PPARD: variants seen among roughly 807,000 people sequenced by gnomAD.
The protein encoded by PPARD is peroxisome proliferator activated receptor delta.
PPARD carries 6 observed loss-of-function variants against 39.5 expected under a neutral mutation model. The observed-to-expected ratio is 0.15, with a 90% confidence interval of 0.08 to 0.30. The LOEUF (loss-of-function observed/expected upper bound fraction) is 0.30, where lower values mean the gene tolerates loss of function less well. PPARD is among the 10% of genes least tolerant of loss of function. The pLI, the probability that PPARD is intolerant of heterozygous loss-of-function variation, is 1.00. For synonymous variants in PPARD, 210 were observed against 231.3 expected, an observed-to-expected ratio of 0.91 and a Z score of 0.83; for missense variants, 397 against 596.8, an observed-to-expected ratio of 0.67 and a Z score of 3.49.
At chr6:35,423,831 TC>T in intron 5 of PPARD, 114 bp from the exon 6 acceptor site, 1 of 942,438 alleles carries the variant, frequency 1.1e-6, no homozygotes, top group Non-Finnish European at 1.6e-6. Context: ...CTCTAGAGCT[TC>T]TGGGGGCCTT....
chr6:35,417,615 C>T (rs1415483320), intron 3 of PPARD, among the ~76,000 whole-genome samples: 1 of 151,898 alleles, frequency 6.6e-6, no homozygotes, highest in Non-Finnish European at 1.5e-5. Flanking sequence ...GCCTCCGCCC[C>T]CCTGCCCCCG....
intron 2 of PPARD, among the ~76,000 whole-genome samples, chr6:35,390,909 T>TTTC (rs1490088545): frequency 6.6e-6 from 1 of 152,024 alleles, no homozygotes; most frequent in Non-Finnish European, 1.5e-5. Context: ...GTAGTCCCAG[T>TTTC]TACTCAGGAG....
chr6:35,413,850 A>AT (rs1423072626), intron 3 of PPARD, among the ~76,000 whole-genome samples: 1 of 151,888 alleles, frequency 6.6e-6, no homozygotes, highest in Non-Finnish European at 1.5e-5. Flanking sequence ...TGCCTGGCTA[A>AT]TTTTTGTATT....
At chr6:35,423,481 C>T (rs1171393362) in intron 5 of PPARD, among the ~76,000 whole-genome samples, 6 of 150,900 alleles carry the variant, frequency 4.0e-5, no homozygotes, top group African/African-American at 9.8e-5. Context: ...TGCAGTGAGC[C>T]GAGATCGTGC....
chr6:35,399,497 G>A (rs919859921), intron 2 of PPARD, among the ~76,000 whole-genome samples: 9 of 148,824 alleles, frequency 6.0e-5, no homozygotes, highest in African/African-American at 1.2e-4. Context: ...CTTGTGATCC[G>A]GGAGGAGTTC....
Position 35,376,403 on chromosome 6 carries a change from G to A in PPARD, c.-102+29253G>A, listed in dbSNP as rs111642382. On this transcript the variant is annotated intron_variant, in intron 2 of 7. Coordinates refer to ENST00000360694, the MANE Select transcript of PPARD (RefSeq NM_006238.5). ...AAGTTTTCTTGTGTAGTTTCTTTGAGACTGTCTTATTTCTGATTCTTGGGA... is the reference window on the plus strand; with the variant it reads ...AAGTTTTCTTGTGTAGTTTCTTTGAAACTGTCTTATTTCTGATTCTTGGGA... 9.7e-3 allele frequency among the ~76,000 whole-genome samples: 1,473 copies of A among 151,800 alleles called. 6 individuals carry two copies. Among genetic ancestry groups the A allele is most frequent in the Middle Eastern group, 0.017 (5 of 294 alleles).
intron 2 of PPARD, chr6:35,397,620 C>A: frequency 1.1e-6 from 1 of 900,244 alleles, no homozygotes; most frequent in Non-Finnish European, 1.3e-6. Flanking sequence ...CGTCTTTTTG[C>A]AATTATGCCA....
intron 2 of PPARD, among the ~76,000 whole-genome samples, chr6:35,374,473 C>T (rs972516032): frequency 7.3e-5 from 11 of 151,702 alleles, no homozygotes; most frequent in Middle Eastern, 3.4e-3. Flanking sequence ...CTGGCTAACA[C>T]GGTGAAACCC....
At chr6:35,402,524 C>G (rs1248236587) in intron 2 of PPARD, among the ~76,000 whole-genome samples, 1 of 152,200 alleles carries the variant, frequency 6.6e-6, no homozygotes, top group Non-Finnish European at 1.5e-5. Flanking sequence ...CCAGGACATT[C>G]TCCAGCCCTG....
At chr6:35,349,938 TG>T (rs1294327303) in intron 2 of PPARD, among the ~76,000 whole-genome samples, 6 of 151,982 alleles carry the variant, frequency 3.9e-5, no homozygotes, top group Admixed American at 3.9e-4. Context: ...GATGGGGTTT[TG>T]TCATGTTGGC....
Position 35,412,073 on chromosome 6 carries a change from C to T in PPARD, c.130+856C>T, listed in dbSNP as rs1405758696. On this transcript the variant is annotated intron_variant, in intron 3 of 7. Coordinates refer to ENST00000360694, the MANE Select transcript of PPARD (RefSeq NM_006238.5). The surrounding 1 kb of genome is among the most constrained non-coding windows in gnomAD (Gnocchi z 4.1). ...CCTCCCGAGTAGCTGGGATTATAGG[C>T]GTGCACCACCACGCCCGGCTAATTT... Among the ~76,000 whole-genome samples, 11 of 152,138 alleles carry T rather than the reference C, an allele frequency of 7.2e-5. No homozygotes were observed. The highest frequency in any genetic ancestry group is 1.7e-4 in the African/African-American group (7 of 41,416).
In PPARD at chr6:35,426,227, C is replaced by A; in HGVS notation, c.*148C>A. 1 of 1,076,818 alleles carries A rather than the reference C, an allele frequency of 9.3e-7. No homozygotes were observed. The highest frequency in any genetic ancestry group is 1.3e-6 in the Non-Finnish European group (1 of 767,204). The allele number at this position is 1,076,818 out of a possible 1,614,324, so 66.7% of individuals were successfully genotyped here. A position where few individuals can be genotyped will look rare whatever the true frequency, so the allele number is the denominator to read the frequency against. On this transcript the variant is annotated 3_prime_UTR_variant, in exon 8 of 8. Transcript: ENST00000360694. ...CCCTCAGACACATGACACCCACGGCCTCTGGCTCCCTGTGCCCTCTCTCCC... is the reference window on the plus strand; with the variant it reads ...CCCTCAGACACATGACACCCACGGCATCTGGCTCCCTGTGCCCTCTCTCCC...
chr6:35,385,014 A>G (rs374398211), intron 2 of PPARD, among the ~76,000 whole-genome samples: 30,476 of 122,930 alleles, frequency 0.25, 7,782 homozygotes, highest in African/African-American at 0.66. Context: ...GGGAGGTGGG[A>G]GGGGTCAGCC....
intron 4 of PPARD, 28 bp downstream of exon 4, chr6:35,420,309 C>CCACTGAGGCCACTGAGGCTGTGGT (rs751256745): frequency 3.8e-5 from 58 of 1,523,644 alleles, no homozygotes; most frequent in Middle Eastern, 3.5e-4. Context: ...CGGTGGCTGG[C>CCACTGAGGCCACTGAGGCTGTGGT]CACTGAGGCT....
chr6:35,344,145 G>C (rs907473978), intron 1 of PPARD, among the ~76,000 whole-genome samples: 2 of 151,966 alleles, frequency 1.3e-5, no homozygotes, highest in Non-Finnish European at 2.9e-5. Flanking sequence ...CTCTGATGTT[G>C]GTCACTGAAC....
chr6:35,349,198 TGTATTTTTAGTAGAGAC>T (rs1761082053), intron 2 of PPARD, among the ~76,000 whole-genome samples: 1 of 152,082 alleles, frequency 6.6e-6, no homozygotes, highest in Admixed American at 6.5e-5. Context: ...GCTAATTTTT[TGTATTTTTAGTAGAGAC>T]GGGGTTTCAC....
chr6:35,380,466 TTTTTTG>T (rs796987418), intron 2 of PPARD, among the ~76,000 whole-genome samples: 2,557 of 121,206 alleles, frequency 0.021, 122 homozygotes, highest in African/African-American at 0.11. Context: ...CGTGTTTTTT[TTTTTTG>T]TTTGTTTTTT....
rs140077824 is a variant in PPARD, at chr6:35,425,758, G to C, written c.1079-74G>C. 3 of 1,574,548 alleles carry C rather than the reference G, an allele frequency of 1.9e-6. No homozygotes were observed. In the African/African-American group the frequency reaches 4.0e-5, roughly 21 times the overall value. On this transcript the variant is annotated intron_variant, in intron 7 of 7. Transcript: ENST00000360694. This position sits in a 1 kb window ranked among gnomAD's most constrained non-coding sequence, Gnocchi z 4.5. ...GGAGGCCTGCCGTCCCCTGGGCCAAGTCACCTCTTGGGGTGGAAGTAGGGG... is the reference window on the plus strand; with the variant it reads ...GGAGGCCTGCCGTCCCCTGGGCCAACTCACCTCTTGGGGTGGAAGTAGGGG...
chr6:35,410,591 C>T (rs760445891), intron 2 of PPARD, among the ~76,000 whole-genome samples: 2 of 152,208 alleles, frequency 1.3e-5, no homozygotes, highest in Middle Eastern at 3.4e-3. Context: ...GGGACAGGGT[C>T]GGGGATGGGA....
Sources: gnomAD v4.1 joint callset for allele counts (sites outside exome capture counted in the v4.1 genomes callset) on GRCh38, gnomAD v4.1.1 for gene constraint, Gnocchi (gnomAD v3.1) non-coding constraint, MANE v1.5 for transcripts, NCBI Gene and HGNC (gene_info 2026-07-23, HGNC 2026-07-21) for gene names.